Variants in GRAMD1B observed in about 807,000 individuals in gnomAD.
GRAMD1B encodes the protein GRAM domain containing 1B, also known as protein Aster-B.
In GRAMD1B, 37 loss-of-function variants were observed where a neutral mutation model predicts 99.7. The ratio of observed to expected loss-of-function variants is 0.37; its 90% CI spans 0.29 to 0.49. The LOEUF is 0.49. Ranked by LOEUF, GRAMD1B falls within the 20% of genes least tolerant of loss-of-function variation. The probability of loss-of-function intolerance (pLI) is 0.98; values close to 1 mark genes in which losing one functional copy is unlikely to be tolerated. For missense variants in GRAMD1B, 888 were observed against 1,009.2 expected (o/e 0.88, Z 1.63); for synonymous variants, 427 against 387.6 (o/e 1.10, Z -1.19).
At chr11:123,518,794 G>T (rs1181434381) in intron 2 of GRAMD1B, among the ~76,000 whole-genome samples, 1 of 152,154 alleles carries the variant, frequency 6.6e-6, no homozygotes, top group Non-Finnish European at 1.5e-5. Flanking sequence ...GGCTGCCTCA[G>T]TCTTGCTTCC....
chr11:123,422,254 T>C (rs927917161), intron 1 of GRAMD1B, among the ~76,000 whole-genome samples: 2 of 152,172 alleles, frequency 1.3e-5, no homozygotes, highest in African/African-American at 4.8e-5. Context: ...TCCTGAAAAG[T>C]GGGAACATCC....
chr11:123,409,589 A>T (rs1158927779), intron 1 of GRAMD1B, among the ~76,000 whole-genome samples: 1 of 152,184 alleles, frequency 6.6e-6, no homozygotes, highest in African/African-American at 2.4e-5. Flanking sequence ...TTTGGTTTTT[A>T]AAATGTGCCC....
At chr11:123,536,242 C>T (rs1943952701) in intron 2 of GRAMD1B, among the ~76,000 whole-genome samples, 1 of 152,052 alleles carries the variant, frequency 6.6e-6, no homozygotes, top group African/African-American at 2.4e-5. Flanking sequence ...TGGTGAAACC[C>T]CATCTCTACC....
chr11:123,621,275 G>A (rs1353770301), intron 19 of GRAMD1B, among the ~76,000 whole-genome samples: 2 of 152,210 alleles, frequency 1.3e-5, no homozygotes, highest in African/African-American at 2.4e-5. Flanking sequence ...CCCAGAGACA[G>A]TATGTAAATA....
chr11:123,405,390 TA>T (rs1947821085), intron 1 of GRAMD1B, among the ~76,000 whole-genome samples: 1 of 152,034 alleles, frequency 6.6e-6, no homozygotes, highest in South Asian at 2.1e-4. Flanking sequence ...GCTCCCAGGG[TA>T]AGGGGAGAGT....
At chr11:123,583,395 CGTGT>C (rs754520823) in intron 3 of GRAMD1B, among the ~76,000 whole-genome samples, 4 of 81,120 alleles carry the variant, frequency 4.9e-5, no homozygotes, top group Non-Finnish European at 5.6e-5. Context: ...TGTATGTGTG[CGTGT>C]GTGTGTGTGT....
At chr11:123,474,720 T>C (rs963801963) in intron 1 of GRAMD1B, among the ~76,000 whole-genome samples, 11 of 27,924 alleles carry the variant, frequency 3.9e-4, no homozygotes, top group Non-Finnish European at 3.9e-4. Flanking sequence ...TATTTCCCCA[T>C]TTTTATTAAC....
At chr11:123,384,063 G>A (rs1468153990) in intron 1 of GRAMD1B, among the ~76,000 whole-genome samples, 1 of 151,974 alleles carries the variant, frequency 6.6e-6, no homozygotes, top group Non-Finnish European at 1.5e-5. Flanking sequence ...TAGAGATGGG[G>A]TTTACCATGT....
At chr11:123,366,928 G>A (rs1946339886) in intron 1 of GRAMD1B, among the ~76,000 whole-genome samples, 1 of 152,196 alleles carries the variant, frequency 6.6e-6, no homozygotes, top group African/African-American at 2.4e-5. Context: ...AATGGGCCAG[G>A]TGTGGTGGCT....
chr11:123,449,101 G>A (rs1004264079), intron 1 of GRAMD1B, among the ~76,000 whole-genome samples: 3 of 152,120 alleles, frequency 2.0e-5, no homozygotes, highest in East Asian at 1.9e-4. Flanking sequence ...CTTTGCCACC[G>A]TAAGGCCTTT....
intron 1 of GRAMD1B, among the ~76,000 whole-genome samples, chr11:123,407,325 T>C (rs1185881850): frequency 1.3e-5 from 2 of 152,232 alleles, no homozygotes; most frequent in South Asian, 4.2e-4. Flanking sequence ...GAAAGGCAGT[T>C]CACATTAAAA....
chr11:123,433,660 A>G (rs1170444188), intron 1 of GRAMD1B, among the ~76,000 whole-genome samples: 1 of 147,954 alleles, frequency 6.8e-6, no homozygotes, highest in Non-Finnish European at 1.5e-5. Flanking sequence ...CCCACCCCCA[A>G]CGCTTAAAAT....
intron 2 of GRAMD1B, among the ~76,000 whole-genome samples, chr11:123,516,725 A>G (rs890526199): frequency 2.0e-5 from 3 of 152,176 alleles, no homozygotes; most frequent in African/African-American, 7.2e-5. Context: ...AAACAGAGAT[A>G]TATCCTTCTG....
chr11:123,603,385 C>A, intron 8 of GRAMD1B, 41 bp from the exon 9 acceptor site: 1 of 1,257,170 alleles, frequency 8.0e-7, no homozygotes, highest in African/African-American at 1.5e-5. Context: ...GTCGGGGGAC[C>A]TGAGGGAGCA....
chr11:123,408,787 A>C (rs1375537121), intron 1 of GRAMD1B, among the ~76,000 whole-genome samples: 1 of 152,266 alleles, frequency 6.6e-6, no homozygotes, highest in Non-Finnish European at 1.5e-5. Flanking sequence ...TGCGCTAAGC[A>C]TGAATTCATG....
At position 123,619,186 on chromosome 11, in the gene GRAMD1B, A is replaced by C; in HGVS notation, c.2506A>C (p.Arg836=). The change falls in exon 19 of 20, where the codon AGG becomes CGG. Residue 836 remains arginine (R), a synonymous_variant. Coordinates refer to ENST00000635736, the MANE Select transcript of GRAMD1B (RefSeq NM_001387025.1). ...CCACGATACTGAGCTCCAAAAATGG[A>C]GGGAAATCATCAAATCCTCAGTGAT... ...KYHDTELQKW[R]EIIKSSVMLL... 6.4e-7 allele frequency: 1 copy of C among 1,566,736 alleles called. No homozygotes were observed. The highest frequency in any genetic ancestry group is 8.7e-7 in the Non-Finnish European group (1 of 1,155,574).
chr11:123,618,254 A>G (rs1401680211), intron 17 of GRAMD1B: 15 of 1,032,016 alleles, frequency 1.5e-5, no homozygotes, highest in Non-Finnish European at 1.8e-5. Context: ...ACTCACTCCC[A>G]GGTTGATTTT....
In GRAMD1B at chr11:123,567,131, A is replaced by C. The variant is rs1444894994; in HGVS notation, c.453-10236A>C. On this transcript the variant is annotated intron_variant, in intron 2 of 19. Transcript: ENST00000635736. Reference sequence around the variant, plus strand: ...AACCAGCATTCAAAATGTTAGAGTAAGAGTTCCAGGCGGTGGGACCAACAA... The same window carrying C: ...AACCAGCATTCAAAATGTTAGAGTACGAGTTCCAGGCGGTGGGACCAACAA... Among the ~76,000 whole-genome samples the C allele has an allele frequency of 4.2e-5, 6 of 144,484 alleles. No individual in the cohort carries two copies. The East Asian group carries it at 1.4e-3, about 34-fold the overall frequency. The allele number at this position is 144,484 out of a possible 152,430, so 94.8% of individuals were successfully genotyped here. A position where few individuals can be genotyped will look rare whatever the true frequency, so the allele number is the denominator to read the frequency against.
intron 1 of GRAMD1B, among the ~76,000 whole-genome samples, chr11:123,457,721 T>C (rs189545808): frequency 6.6e-6 from 1 of 152,318 alleles, no homozygotes; most frequent in African/African-American, 2.4e-5. Flanking sequence ...TTTTATTTTA[T>C]GTATTTGTTT....
Sources: gnomAD v4.1 joint callset for allele counts (sites outside exome capture counted in the v4.1 genomes callset) on GRCh38, gnomAD v4.1.1 for gene constraint, MANE v1.5 for transcripts, NCBI Gene and HGNC (gene_info 2026-07-23, HGNC 2026-07-21) for gene names.